The following LSM12 variants were observed in gnomAD, a reference collection of about 807,000 sequenced individuals.
LSM12 encodes the protein protein LSM12.
For synonymous variants in LSM12, 74 were observed against 87.3 expected, an observed-to-expected ratio of 0.85 and a Z score of 0.85; for missense variants, 108 against 238.9, an observed-to-expected ratio of 0.45 and a Z score of 3.61.
intron 2 of LSM12, among the ~76,000 whole-genome samples, chr17:44,057,363 T>C (rs939657828): frequency 1.3e-5 from 2 of 149,978 alleles, no homozygotes; most frequent in Non-Finnish European, 3.0e-5. Flanking sequence ...TTAGCCAGGA[T>C]GGTCTTGATC....
intron 2 of LSM12, among the ~76,000 whole-genome samples, chr17:44,058,820 G>C (rs1375524676): frequency 6.6e-6 from 1 of 151,808 alleles, no homozygotes; most frequent in South Asian, 2.1e-4. Flanking sequence ...GGGCAACAGG[G>C]CAAGACTCCA....
intron 2 of LSM12, among the ~76,000 whole-genome samples, chr17:44,060,378 C>T (rs2049780542): frequency 6.6e-6 from 1 of 152,150 alleles, no homozygotes. Context: ...ATGTTAATAG[C>T]TGCCCGAAAT....
At chr17:44,060,160 G>A (rs558502773) in intron 2 of LSM12, among the ~76,000 whole-genome samples, 3 of 152,042 alleles carry the variant, frequency 2.0e-5, no homozygotes, top group Non-Finnish European at 2.9e-5. Flanking sequence ...GCAAGACTTC[G>A]TCTCAAAAAA....
rs1178553504 is a variant in LSM12 at position 44,040,276 on chromosome 17, A to G, written c.259-20T>C. The G allele has an allele frequency of 1.3e-6, 2 of 1,576,780 alleles. No homozygotes were observed. Among genetic ancestry groups the G allele is most frequent in the Non-Finnish European group, 1.7e-6 (2 of 1,147,054 alleles). On this transcript the variant is annotated intron_variant, in intron 2 of 4. Coordinates refer to ENST00000293406, the MANE Select transcript of LSM12 (RefSeq NM_001371445.1). ...GGCAAGCTAGGGTGGAAGAGAGGAA[A>G]GAGACTCAGAATAGGATTCATCTTC...
At chr17:44,041,895 C>T (rs1426306672) in intron 2 of LSM12, among the ~76,000 whole-genome samples, 4 of 152,236 alleles carry the variant, frequency 2.6e-5, no homozygotes, top group Non-Finnish European at 4.4e-5. Flanking sequence ...ACTCTTCAGA[C>T]CCATGAACAT....
intron 2 of LSM12, among the ~76,000 whole-genome samples, chr17:44,045,134 T>C (rs1353763219): frequency 6.6e-6 from 1 of 152,028 alleles, no homozygotes; most frequent in Non-Finnish European, 1.5e-5. Context: ...TTCAAGGGAT[T>C]CTCCTGCCTC....
chr17:44,036,654 C>T (rs1350792904), intron 4 of LSM12, among the ~76,000 whole-genome samples: 1 of 151,858 alleles, frequency 6.6e-6, no homozygotes, highest in Non-Finnish European at 1.5e-5. Context: ...AAACCTCCTA[C>T]ATCTACAATG....
chr17:44,040,412 C>T (rs553478194), intron 2 of LSM12, 156 bp from the exon 3 acceptor site: 1 of 584,142 alleles, frequency 1.7e-6, no homozygotes, highest in Non-Finnish European at 3.1e-6. Flanking sequence ...TAAAAATCCA[C>T]GACATACCTG....
chr17:44,060,055 C>T (rs1351033600), intron 2 of LSM12, among the ~76,000 whole-genome samples: 1 of 152,132 alleles, frequency 6.6e-6, no homozygotes, highest in Non-Finnish European at 1.5e-5. Flanking sequence ...GTCCCAGCTA[C>T]TCGGGAGGCT....
chr17:44,065,920 T>C, intron 1 of LSM12, among the ~76,000 whole-genome samples: 1 of 151,706 alleles, frequency 6.6e-6, no homozygotes, highest in Non-Finnish European at 1.5e-5. Context: ...CTAGCTCAGA[T>C]ACAAACTCTG....
Position 44,066,561 on chromosome 17 carries a change from G to A in LSM12, c.27C>T (p.Phe9=), listed in dbSNP as rs2144122537. ...GGCACGACACCTGGCTCCCAACGCT[G>A]AAGTACTCGCCCGGAGGAGCCGCCA... MAAPPGEY[F]SVGSQVSCRT... Residue 9 remains phenylalanine, a synonymous_variant, in exon 1 of 5, where the codon TTC becomes TTT. Transcript: ENST00000293406. 3 of 1,496,624 alleles carry A rather than the reference G, an allele frequency of 2.0e-6. No homozygotes were observed. Among genetic ancestry groups the A allele is most frequent in the South Asian group, 1.3e-5 (1 of 79,102 alleles). 92.7% of individuals were successfully genotyped at this position (1,496,624 alleles called of 1,614,324 possible).
In LSM12 at chr17:44,036,308, A is replaced by G; in HGVS notation, c.496-8T>C. The G allele has an allele frequency of 6.2e-7, 1 of 1,614,092 alleles. No homozygotes were observed. Among genetic ancestry groups the G allele is most frequent in the Non-Finnish European group, 8.5e-7 (1 of 1,179,978 alleles). On this transcript the variant is annotated splice_region_variant and splice_polypyrimidine_tract_variant and intron_variant, in intron 4 of 4. Transcript: ENST00000293406. Reference sequence around the variant, plus strand: ...TCTAAAATGTTTTTCAACCTGAAAAAGACCAGGCAACCCAGGTCAACAAAG... The same window carrying G: ...TCTAAAATGTTTTTCAACCTGAAAAGGACCAGGCAACCCAGGTCAACAAAG...
chr17:44,047,450 T>C (rs1026915542), intron 2 of LSM12, among the ~76,000 whole-genome samples: 3 of 152,094 alleles, frequency 2.0e-5, no homozygotes, highest in Non-Finnish European at 2.9e-5. Flanking sequence ...TTTCACCACG[T>C]TGGCCAGGCT....
intron 2 of LSM12, among the ~76,000 whole-genome samples, chr17:44,062,919 A>G (rs77580587): frequency 1.3e-5 from 2 of 151,770 alleles, no homozygotes; most frequent in Non-Finnish European, 2.9e-5. Context: ...AAAAAAAAAA[A>G]TTTGGCCAGG....
At chr17:44,037,682 G>T (rs1427056277) in intron 3 of LSM12, 144 bp from the exon 4 acceptor site, 4 of 957,202 alleles carry the variant, frequency 4.2e-6, no homozygotes, top group Non-Finnish European at 5.8e-6. Context: ...AGCCCATATA[G>T]TAGCCAAGAA....
At chr17:44,050,533 G>C (rs1335827298) in intron 2 of LSM12, among the ~76,000 whole-genome samples, 1 of 147,722 alleles carries the variant, frequency 6.8e-6, no homozygotes, top group Non-Finnish European at 1.5e-5. Context: ...TTTTTTTTGA[G>C]ATGGAGTCTC....
Position 44,063,844 on chromosome 17 carries a change from C to G in LSM12, c.215G>C (p.Arg72Pro). ...YVSEVEIINDRTETPPPLASL... is the reference protein window; with the variant it reads ...YVSEVEIINDPTETPPPLASL... ...AGCTAGGGGAGGAGGGGTTTCTGTT[C>G]GGTCATTAATTATTTCCACTTCTGA... Residue 72 changes from arginine to proline, a missense_variant, in exon 2 of 5, where the codon CGA (arginine) becomes CCA (proline). Physicochemically the swap from Arg to Pro is moderately radical, Grantham distance 103. Transcript: ENST00000293406. The G allele has an allele frequency of 6.2e-7, 1 of 1,613,756 alleles. No homozygotes were observed. The highest frequency in any genetic ancestry group is 8.5e-7 in the Non-Finnish European group (1 of 1,179,940).
At chr17:44,050,740 C>T (rs1423080070) in intron 2 of LSM12, among the ~76,000 whole-genome samples, 2 of 151,980 alleles carry the variant, frequency 1.3e-5, no homozygotes, top group Non-Finnish European at 1.5e-5. Context: ...AAGCTGGTCT[C>T]GAACCCCTGA....
chr17:44,041,850 C>T (rs1397737943), intron 2 of LSM12, among the ~76,000 whole-genome samples: 2 of 152,146 alleles, frequency 1.3e-5, no homozygotes, highest in Non-Finnish European at 2.9e-5. Flanking sequence ...TAAAGGCAAA[C>T]AATGCATCTT....
Sources: allele counts gnomAD v4.1 joint callset (sites outside exome capture counted in the v4.1 genomes callset), GRCh38; gene constraint gnomAD v4.1.1; transcripts MANE v1.5; gene names NCBI Gene and HGNC (gene_info 2026-07-23, HGNC 2026-07-21).